Variants in STXBP4 observed in about 807,000 individuals in gnomAD.
The protein encoded by STXBP4 is syntaxin binding protein 4, also known as syntaxin-binding protein 4.
In STXBP4, 55 loss-of-function variants were observed where a neutral mutation model predicts 76.1. The observed-to-expected ratio is 0.72, with a 90% CI of 0.58 to 0.91. The LOEUF (loss-of-function observed/expected upper bound fraction) is 0.91, where lower values mean the gene tolerates loss of function less well. STXBP4 is among the 40% of genes least tolerant of loss of function. STXBP4 has a pLI of 0.00. For missense variants in STXBP4, 618 were observed against 636.9 expected (o/e 0.97, Z 0.32); for synonymous variants, 201 against 220.2 (o/e 0.91, Z 0.77).
chr17:55,005,730 T>C (rs1296269526), intron 7 of STXBP4, among the ~76,000 whole-genome samples: 2 of 152,140 alleles, frequency 1.3e-5, no homozygotes, highest in African/African-American at 4.8e-5. Flanking sequence ...TTCACTTGGG[T>C]CCACCTAGTG....
In STXBP4 at chr17:55,171,566, G is replaced by A. The variant is rs1564821; in HGVS notation, c.*11655G>A. ...TGAAGCCTAGGCCAGATTCCAGTCC[G>A]TTTTGACCATACCCCATCATGGTAT... On this transcript the variant is annotated 3_prime_UTR_variant, in exon 18 of 18. Coordinates refer to ENST00000376352, the MANE Select transcript of STXBP4 (RefSeq NM_178509.6). 0.17 allele frequency: 26,358 copies of A among 152,094 alleles called. 2,865 individuals are homozygous for A. Among genetic ancestry groups the A allele is most frequent in the South Asian group, 0.23 (1,114 of 4,812 alleles). 9.4% of individuals were successfully genotyped at this position (152,094 alleles called of 1,614,324 possible).
intron 1 of STXBP4, among the ~76,000 whole-genome samples, chr17:54,982,557 CTG>C (rs1375903880): frequency 1.3e-5 from 2 of 151,054 alleles, no homozygotes; most frequent in African/African-American, 4.9e-5. Context: ...TGTTTTCCTT[CTG>C]TGTTATTTAT....
chr17:55,185,326 T>TCTCCTC, the STXBP4 span, among the ~76,000 whole-genome samples: 10 of 74,716 alleles, frequency 1.3e-4, no homozygotes, highest in African/African-American at 4.6e-4. Context: ...TCCTTCTCCT[T>TCTCCTC]CTCCTCCTCC....
intron 3 of STXBP4, among the ~76,000 whole-genome samples, chr17:54,986,481 C>T (rs969692839): frequency 6.6e-6 from 1 of 152,128 alleles, no homozygotes; most frequent in East Asian, 1.9e-4. Context: ...TGTGCAGGCA[C>T]GGTAGGGCAT....
Position 55,072,786 on chromosome 17 carries a change from T to A in STXBP4, c.1012-114T>A. On this transcript the variant is annotated intron_variant, in intron 12 of 17. Coordinates refer to ENST00000376352, the MANE Select transcript of STXBP4 (RefSeq NM_178509.6). The stretch of plus-strand genomic sequence containing the variant: ...TTTTCAAATTGATAAATAAATAATA[T>A]ATGTATATTGACTTTTTGGAATTAT... The A allele has an allele frequency of 5.7e-6, 4 of 698,514 alleles. No homozygotes were observed. In the Admixed American group the frequency reaches 1.1e-4, roughly 19 times the overall value. The allele number at this position is 698,514 out of a possible 1,614,324, so 43.3% of individuals were successfully genotyped here.
At chr17:55,210,099 G>T in the STXBP4 span, among the ~76,000 whole-genome samples, 3 of 152,154 alleles carry the variant, frequency 2.0e-5, no homozygotes, top group African/African-American at 7.2e-5. Flanking sequence ...GGAAAGGACC[G>T]AGCCCACTGA....
At chr17:55,070,106 A>G (rs780347123) in intron 12 of STXBP4, among the ~76,000 whole-genome samples, 42 of 152,184 alleles carry the variant, frequency 2.8e-4, no homozygotes, top group Non-Finnish European at 5.6e-4. Context: ...AAGGTAGTAC[A>G]GCATAGTAGC....
chr17:54,987,743 G>A (rs565693490), intron 3 of STXBP4, among the ~76,000 whole-genome samples: 21 of 152,232 alleles, frequency 1.4e-4, no homozygotes, highest in African/African-American at 4.8e-4. Flanking sequence ...GGAATTGCTG[G>A]ATCAGAGGGT....
intron 13 of STXBP4, among the ~76,000 whole-genome samples, chr17:55,075,274 A>G (rs1375998486): frequency 6.6e-6 from 1 of 152,168 alleles, no homozygotes; most frequent in Non-Finnish European, 1.5e-5. Context: ...AACTTTATAT[A>G]AATAGAAATA....
chr17:55,027,771 G>T (rs1567726066), intron 8 of STXBP4, among the ~76,000 whole-genome samples: 2 of 152,134 alleles, frequency 1.3e-5, no homozygotes, highest in East Asian at 1.9e-4. Flanking sequence ...TGATAAAGAA[G>T]AAATCAATAG....
intron 4 of STXBP4, among the ~76,000 whole-genome samples, chr17:54,992,087 A>C (rs762916401): frequency 6.6e-5 from 10 of 152,116 alleles, no homozygotes; most frequent in African/African-American, 9.7e-5. Context: ...TGTTCAGATA[A>C]TAAGGCATCT....
downstream of STXBP4, among the ~76,000 whole-genome samples, chr17:55,174,115 T>G (rs376915306): frequency 6.6e-6 from 1 of 152,240 alleles, no homozygotes; most frequent in African/African-American, 2.4e-5. Context: ...TTCAGGATAA[T>G]TTCACCATTT....
rs561701937 is a variant in STXBP4, at chr17:55,128,287, T to TTCTGGCAGATCCAGAGTCTGGGCAGGTA, written c.1490-13022_1490-12995dup. 6.4e-3 allele frequency among the ~76,000 whole-genome samples: 973 copies of TTCTGGCAGATCCAGAGTCTGGGCAGGTA among 152,298 alleles called. 14 individuals are homozygous for TTCTGGCAGATCCAGAGTCTGGGCAGGTA. Among genetic ancestry groups the TTCTGGCAGATCCAGAGTCTGGGCAGGTA allele is most frequent in the African/African-American group, 0.021 (886 of 41,540 alleles). On this transcript the variant is annotated intron_variant, in intron 16 of 17. Transcript: ENST00000376352. Reference sequence around the variant, plus strand: ...ATGAAAGTCAAAAAAGTGTTGAAGTTTCTGGCAGATCCAGAGTCTGGGCAG... The same window carrying TTCTGGCAGATCCAGAGTCTGGGCAGGTA: ...ATGAAAGTCAAAAAAGTGTTGAAGTTTCTGGCAGATCCAGAGTCTGGGCAGGTATCTGGCAGATCCAGAGTCTGGGCAG...
In STXBP4 at chr17:55,163,302, G is replaced by C. The variant is rs981775233; in HGVS notation, c.*3391G>C. 2 of 146,416 alleles carry C rather than the reference G, an allele frequency of 1.4e-5. No homozygotes were observed. The highest frequency in any genetic ancestry group is 1.4e-4 in the Admixed American group (2 of 14,414). 9.1% of individuals were successfully genotyped at this position (146,416 alleles called of 1,614,324 possible). On this transcript the variant is annotated 3_prime_UTR_variant, in exon 18 of 18. Transcript: ENST00000376352. ...TGAGATTTTTAATCATTAGGTTTTA[G>C]ATTTCCTTTAGCAGCAGAGACTGAC...
intron 8 of STXBP4, among the ~76,000 whole-genome samples, chr17:55,014,882 C>T (rs1041425498): frequency 5.9e-5 from 9 of 151,958 alleles, no homozygotes; most frequent in South Asian, 4.1e-4. Context: ...CTCCAAAGTC[C>T]GCTTGCCTGA....
At chr17:55,195,579 A>G in the STXBP4 span, among the ~76,000 whole-genome samples, 1 of 152,188 alleles carries the variant, frequency 6.6e-6, no homozygotes, top group Non-Finnish European at 1.5e-5. Context: ...ACTGAGTAGC[A>G]GGAACCACAG....
At chr17:55,095,026 AC>A (rs2079466672) in intron 16 of STXBP4, among the ~76,000 whole-genome samples, 2 of 152,212 alleles carry the variant, frequency 1.3e-5, no homozygotes, top group Non-Finnish European at 2.9e-5. Context: ...GCACAGCTAG[AC>A]AAGCAAGACT....
intron 12 of STXBP4, among the ~76,000 whole-genome samples, chr17:55,048,892 A>G (rs1267196653): frequency 6.6e-6 from 1 of 151,952 alleles, no homozygotes; most frequent in African/African-American, 2.4e-5. Context: ...TAATTAAAAC[A>G]AGACCTGAAT....
intron 16 of STXBP4, among the ~76,000 whole-genome samples, chr17:55,087,598 G>T (rs1275463652): frequency 6.6e-6 from 1 of 152,036 alleles, no homozygotes; most frequent in Non-Finnish European, 1.5e-5. Flanking sequence ...TGTTTCATTG[G>T]TCTGTGTGAT....
Sources: gnomAD v4.1 joint callset for allele counts (sites outside exome capture counted in the v4.1 genomes callset) on GRCh38, gnomAD v4.1.1 for gene constraint, MANE v1.5 for transcripts, NCBI Gene and HGNC (gene_info 2026-07-23, HGNC 2026-07-21) for gene names.